Variants in EPS8 observed in about 807,000 individuals in gnomAD.
EPS8 encodes EGFR pathway substrate 8, signaling adaptor.
Under a neutral mutation model 103.8 loss-of-function variants are expected in EPS8, and 42 were observed. The ratio of observed to expected loss-of-function variants is 0.40; its 90% CI spans 0.32 to 0.52. The LOEUF is 0.52. Among genes scored for constraint, EPS8 ranks in the 20% least tolerant of loss-of-function variants. The probability of loss-of-function intolerance (pLI) is 0.40; values close to 1 mark genes in which losing one functional copy is unlikely to be tolerated. For synonymous variants in EPS8, 344 were observed against 344.6 expected, an observed-to-expected ratio of 1.00 and a Z score of 0.02; for missense variants, 969 against 1,005.1, an observed-to-expected ratio of 0.96 and a Z score of 0.49.
In EPS8 at chr12:15,641,341, T is replaced by A. The variant is rs928736229; in HGVS notation, c.1677+381A>T. On this transcript the variant is annotated intron_variant, in intron 16 of 20. Coordinates refer to ENST00000281172, the MANE Select transcript of EPS8 (RefSeq NM_004447.6). ...CATTATTAGCTCAATGACTGCTGAGTATATCTGTGCAAGGATATAGGATTA... is the reference window on the plus strand; with the variant it reads ...CATTATTAGCTCAATGACTGCTGAGAATATCTGTGCAAGGATATAGGATTA... 4.8e-5 allele frequency among the ~76,000 whole-genome samples: 7 copies of A among 144,824 alleles called. 1 individual carries two copies. In the South Asian group the frequency reaches 9.3e-4, roughly 19 times the overall value.
chr12:15,752,040 T>A lies in EPS8; in HGVS notation c.-22+37121A>T, dbSNP rs931388778. On this transcript the variant is annotated intron_variant, in intron 1 of 20. Coordinates refer to ENST00000281172, the MANE Select transcript of EPS8 (RefSeq NM_004447.6). This position sits in a 1 kb window ranked among gnomAD's most constrained non-coding sequence, Gnocchi z 4.4. ...ACTGGATTTGAGGTATAGTTGAGAA[T>A]TTCATCATACAAGCAAGACAGAAGG... 6.6e-6 allele frequency among the ~76,000 whole-genome samples: 1 copy of A among 152,106 alleles called. No individual in the cohort carries two copies. Among genetic ancestry groups the A allele is most frequent in the Non-Finnish European group, 1.5e-5 (1 of 68,022 alleles).
intron 14 of EPS8, among the ~76,000 whole-genome samples, chr12:15,648,071 G>T (rs978930180): frequency 9.2e-5 from 14 of 152,354 alleles, no homozygotes; most frequent in African/African-American, 3.4e-4. Flanking sequence ...TCTGACAGGA[G>T]ATGGAGCTCA....
chr12:15,656,845 A>C (rs1222369885), intron 12 of EPS8, among the ~76,000 whole-genome samples: 1 of 152,160 alleles, frequency 6.6e-6, no homozygotes, highest in African/African-American at 2.4e-5. Context: ...TGTTAGTCTT[A>C]GGCCAAAAAT....
At chr12:15,705,592 T>C (rs914168873) in intron 1 of EPS8, among the ~76,000 whole-genome samples, 8 of 152,224 alleles carry the variant, frequency 5.3e-5, no homozygotes, top group African/African-American at 1.7e-4. Flanking sequence ...TTAAATCCCA[T>C]ACAAAATATC....
intron 1 of EPS8, among the ~76,000 whole-genome samples, chr12:15,708,960 C>T (rs1226443684): frequency 6.6e-6 from 1 of 152,222 alleles, no homozygotes; most frequent in African/African-American, 2.4e-5. Flanking sequence ...TTAATTGTTT[C>T]ATCAGCTTTC....
At chr12:15,622,460 C>T (rs1419089548) in intron 20 of EPS8, among the ~76,000 whole-genome samples, 2 of 152,066 alleles carry the variant, frequency 1.3e-5, no homozygotes, top group African/African-American at 4.8e-5. Context: ...AATTTCATGC[C>T]AAAGCCTACA....
At chr12:15,632,243 G>T (rs1203921902) in intron 17 of EPS8, among the ~76,000 whole-genome samples, 2 of 152,130 alleles carry the variant, frequency 1.3e-5, no homozygotes, top group Non-Finnish European at 2.9e-5. Context: ...GTGGATGGTT[G>T]TGAGGGTAAT....
intron 12 of EPS8, among the ~76,000 whole-genome samples, chr12:15,655,231 C>T (rs1442173078): frequency 1.3e-5 from 2 of 152,174 alleles, no homozygotes; most frequent in Non-Finnish European, 2.9e-5. Context: ...TTGTGAAAGC[C>T]TGTGTTAACC....
In EPS8 at chr12:15,764,635, G is replaced by A. The variant is rs1429542971; in HGVS notation, c.-22+24526C>T. Among the ~76,000 whole-genome samples the A allele has an allele frequency of 6.6e-6, 1 of 152,124 alleles. No individual in the cohort carries two copies. Among genetic ancestry groups the A allele is most frequent in the Non-Finnish European group, 1.5e-5 (1 of 68,016 alleles). ...CAGATAAAGTAATGTCTGAACCTCT[G>A]AAGCCAGAAATTATACTTTATCAAT... On this transcript the variant is annotated intron_variant, in intron 1 of 20. Transcript: ENST00000281172. The surrounding 1 kb of genome is among the most constrained non-coding windows in gnomAD (Gnocchi z 4.1).
chr12:15,744,211 G>A (rs1946852794), intron 1 of EPS8, among the ~76,000 whole-genome samples: 3 of 152,278 alleles, frequency 2.0e-5, no homozygotes, highest in South Asian at 4.2e-4. Flanking sequence ...AAGTCTTAAC[G>A]ACTAAGGAAA....
rs948309796 is a variant in EPS8 at position 15,728,064 on chromosome 12, T to C, written c.-21-45092A>G. 4 of 152,182 alleles carry C rather than the reference T, an allele frequency of 2.6e-5. No individual in the cohort carries two copies. The highest frequency in any genetic ancestry group is 9.6e-5 in the African/African-American group (4 of 41,454). The allele number at this position is 152,182 out of a possible 1,614,324, so 9.4% of individuals were successfully genotyped here. On this transcript the variant is annotated intron_variant, in intron 1 of 20. Coordinates refer to ENST00000281172, the MANE Select transcript of EPS8 (RefSeq NM_004447.6). This position sits in a 1 kb window ranked among gnomAD's most constrained non-coding sequence, Gnocchi z 4.5. ...GCTACTTAGCACTGAAAGGGAATAA[T>C]CAACAGATTAAAAAGCATTGATGTA...
rs1946304845 is a variant in EPS8, at chr12:15,701,000, TATAAAGA to T, written c.-21-18035_-21-18029del. 6.6e-6 allele frequency among the ~76,000 whole-genome samples: 1 copy of T among 152,142 alleles called. No homozygotes were observed. The highest frequency in any genetic ancestry group is 2.1e-4 in the South Asian group (1 of 4,830). On this transcript the variant is annotated intron_variant, in intron 1 of 20. Transcript: ENST00000281172. This position sits in a 1 kb window ranked among gnomAD's most constrained non-coding sequence, Gnocchi z 5.1. ...CAAAAATTGGTAATGTAAGGTATAT[TATAAAGA>T]ATAAACTACTACCTACCTGTGTCCA... is the stretch of plus-strand genomic sequence containing the variant.
At position 15,701,690 on chromosome 12, in the gene EPS8, T is replaced by C. The variant is rs1407280183; in HGVS notation, c.-21-18718A>G. 2.6e-5 allele frequency among the ~76,000 whole-genome samples: 4 copies of C among 152,234 alleles called. No individual in the cohort carries two copies. Among genetic ancestry groups the C allele is most frequent in the Non-Finnish European group, 5.9e-5 (4 of 68,038 alleles). On this transcript the variant is annotated intron_variant, in intron 1 of 20. Coordinates refer to ENST00000281172, the MANE Select transcript of EPS8 (RefSeq NM_004447.6). This position sits in a 1 kb window ranked among gnomAD's most constrained non-coding sequence, Gnocchi z 5.1. ...TTGGATAAGCTTTGAAACATTACAC[T>C]GTCCAGATACATTTATGTCAATCTC...
chr12:15,784,225 A>G lies in EPS8; in HGVS notation c.-22+4936T>C, dbSNP rs1286739965. Among the ~76,000 whole-genome samples, 1 of 152,202 alleles carries G rather than the reference A, an allele frequency of 6.6e-6. No individual in the cohort carries two copies. Among genetic ancestry groups the G allele is most frequent in the Non-Finnish European group, 1.5e-5 (1 of 68,016 alleles). Reference sequence around the variant, plus strand: ...AAAAAGACAAACCAAACTGGGAGAAAATATTTGCAAAACACATATCTGATA... The same window carrying G: ...AAAAAGACAAACCAAACTGGGAGAAGATATTTGCAAAACACATATCTGATA... On this transcript the variant is annotated intron_variant, in intron 1 of 20. Coordinates refer to ENST00000281172, the MANE Select transcript of EPS8 (RefSeq NM_004447.6). The surrounding 1 kb of genome is among the most constrained non-coding windows in gnomAD (Gnocchi z 4.0).
Position 15,695,093 on chromosome 12 carries a change from G to A in EPS8, c.-21-12121C>T, listed in dbSNP as rs1313754001. The stretch of plus-strand genomic sequence containing the variant: ...CTTATTCTCATTTTAATGAGAATCT[G>A]AGACTTTAAATTAGAGTTATAAGTA... On this transcript the variant is annotated intron_variant, in intron 1 of 20. Coordinates refer to ENST00000281172, the MANE Select transcript of EPS8 (RefSeq NM_004447.6). This position sits in a 1 kb window ranked among gnomAD's most constrained non-coding sequence, Gnocchi z 5.0. 2.6e-5 allele frequency among the ~76,000 whole-genome samples: 4 copies of A among 152,132 alleles called. No homozygotes were observed. Among genetic ancestry groups the A allele is most frequent in the African/African-American group, 9.7e-5 (4 of 41,420 alleles).
At chr12:15,729,526 T>C (rs1946690623) in intron 1 of EPS8, among the ~76,000 whole-genome samples, 1 of 152,176 alleles carries the variant, frequency 6.6e-6, no homozygotes, top group African/African-American at 2.4e-5. Flanking sequence ...ATTAGCCCTC[T>C]CCAATCTACT....
At chr12:15,635,516 C>T (rs1357323055) in intron 17 of EPS8, among the ~76,000 whole-genome samples, 1 of 152,156 alleles carries the variant, frequency 6.6e-6, no homozygotes, top group Non-Finnish European at 1.5e-5. Context: ...AAAATCGTCA[C>T]TCTATCCAGC....
intron 18 of EPS8, among the ~76,000 whole-genome samples, chr12:15,628,278 A>C (rs576203589): frequency 7.9e-5 from 12 of 152,302 alleles, no homozygotes; most frequent in African/African-American, 2.9e-4. Context: ...CCACACTAAA[A>C]GATTTGGTTT....
chr12:15,782,607 T>C (rs543473789), intron 1 of EPS8, among the ~76,000 whole-genome samples: 1 of 152,272 alleles, frequency 6.6e-6, no homozygotes, highest in Non-Finnish European at 1.5e-5. Context: ...ATGCATAATA[T>C]GTATATAAAT....
Sources: gnomAD v4.1 joint callset for allele counts (sites outside exome capture counted in the v4.1 genomes callset) on GRCh38, gnomAD v4.1.1 for gene constraint, Gnocchi (gnomAD v3.1) non-coding constraint, MANE v1.5 for transcripts, NCBI Gene and HGNC (gene_info 2026-07-23, HGNC 2026-07-21) for gene names.